The following CNTN3 variants were observed in gnomAD, a reference collection of about 807,000 sequenced individuals.
CNTN3 encodes the protein contactin 3.
A neutral mutation model predicts 119.1 loss-of-function variants in CNTN3; 60 were observed. That is an observed-to-expected ratio of 0.50 (90% CI 0.41 to 0.62). CNTN3 has a LOEUF of 0.62. Ranked by LOEUF, CNTN3 falls within the 20% of genes least tolerant of loss-of-function variation. CNTN3 has a pLI of 0.00. For missense variants in CNTN3, 1,101 were observed against 1,242.4 expected, an observed-to-expected ratio of 0.89 and a Z score of 1.71; for synonymous variants, 450 against 438.7, an observed-to-expected ratio of 1.03 and a Z score of -0.32.
chr3:74,510,311 G>T (rs1703344074), intron 2 of CNTN3, among the ~76,000 whole-genome samples: 2 of 152,008 alleles, frequency 1.3e-5, no homozygotes, highest in African/African-American at 2.4e-5. Context: ...ATGTGTCTAT[G>T]ACTCTCATGA....
At chr3:74,438,960 AAC>A (rs1251223750) in intron 4 of CNTN3, among the ~76,000 whole-genome samples, 3 of 152,212 alleles carry the variant, frequency 2.0e-5, no homozygotes, top group African/African-American at 7.2e-5. Flanking sequence ...TTCATTTGTT[AAC>A]ACTTCACCCT....
chr3:74,387,928 T>C (rs1704794631), intron 5 of CNTN3, among the ~76,000 whole-genome samples: 1 of 152,226 alleles, frequency 6.6e-6, no homozygotes, highest in Admixed American at 6.5e-5. Flanking sequence ...ACATTCTAAC[T>C]CATCTATAAA....
intron 8 of CNTN3, among the ~76,000 whole-genome samples, chr3:74,366,889 G>C (rs1270924076): frequency 2.8e-5 from 4 of 142,390 alleles, no homozygotes; most frequent in African/African-American, 1.0e-4. Context: ...TTTCAGGAAT[G>C]ATCAGCCTGA....
At chr3:74,390,369 CT>C (rs34399433) in intron 5 of CNTN3, among the ~76,000 whole-genome samples, 6,070 of 123,212 alleles carry the variant, frequency 0.049, 197 homozygotes, top group South Asian at 0.17. Context: ...TGAGAGTATG[CT>C]TTTTTTTTTT....
chr3:74,483,712 G>C (rs1033463359), intron 4 of CNTN3, among the ~76,000 whole-genome samples: 1 of 152,108 alleles, frequency 6.6e-6, no homozygotes, highest in African/African-American at 2.4e-5. Context: ...ACCTCATGAT[G>C]CTTTATGTTC....
At chr3:74,534,026 G>A (rs1178016220) in intron 1 of CNTN3, among the ~76,000 whole-genome samples, 1 of 152,048 alleles carries the variant, frequency 6.6e-6, no homozygotes, top group African/African-American at 2.4e-5. Context: ...CTTCAGAGCA[G>A]CTTAGCATCA....
At chr3:74,605,237 ATAAT>A (rs1210457280) in intron 1 of CNTN3, among the ~76,000 whole-genome samples, 13 of 151,842 alleles carry the variant, frequency 8.6e-5, no homozygotes. Flanking sequence ...CATGGTGACT[ATAAT>A]TAATAATGCA....
At chr3:74,363,225 C>G (rs1185349086) in intron 10 of CNTN3, among the ~76,000 whole-genome samples, 1 of 152,160 alleles carries the variant, frequency 6.6e-6, no homozygotes, top group Non-Finnish European at 1.5e-5. Flanking sequence ...GATCATCCCT[C>G]CAGGCATCAT....
At chr3:74,420,502 C>T (rs1701599824) in intron 5 of CNTN3, among the ~76,000 whole-genome samples, 1 of 152,152 alleles carries the variant, frequency 6.6e-6, no homozygotes, top group South Asian at 2.1e-4. Flanking sequence ...GATTTTAACA[C>T]AATTTTACTA....
At chr3:74,389,777 C>G (rs1024950651) in intron 5 of CNTN3, among the ~76,000 whole-genome samples, 3 of 152,162 alleles carry the variant, frequency 2.0e-5, no homozygotes, top group Non-Finnish European at 4.4e-5. Flanking sequence ...TCTGCACAAA[C>G]TAACTCAGAC....
At position 74,543,866 on chromosome 3, in the gene CNTN3, AT is replaced by A. The variant is rs1425465520; in HGVS notation, c.-80-22675del. Among the ~76,000 whole-genome samples, 6 of 152,326 alleles carry A rather than the reference AT, an allele frequency of 3.9e-5. No homozygotes were observed. In the East Asian group the frequency reaches 7.7e-4, roughly 20 times the overall value. ...AAAAAAGAAACTGGGGAGGGCAGTG[AT>A]TTTGTGACCACCTAATCAAGTCTTC... On this transcript the variant is annotated intron_variant, in intron 1 of 22. Coordinates refer to ENST00000263665, the MANE Select transcript of CNTN3 (RefSeq NM_020872.3).
rs202118462 is a variant in CNTN3 at position 74,297,961 on chromosome 3, T to C, written c.2397A>G (p.Glu799=). ...FSPVTTVFSA[E]EEPTVAPSQV... ...ATACAGTCATGTTTTCCATACCTTC[T>C]TCTGCAGAGAACACTGTTGTCACTG... Residue 799 remains glutamate (E), a synonymous_variant, in exon 18 of 23, where the codon GAA becomes GAG. Transcript: ENST00000263665. 1 of 1,610,894 alleles carries C rather than the reference T, an allele frequency of 6.2e-7. No individual in the cohort carries two copies. Among genetic ancestry groups the C allele is most frequent in the Admixed American group, 1.7e-5 (1 of 59,972 alleles).
chr3:74,336,245 G>A (rs979065879), intron 12 of CNTN3, among the ~76,000 whole-genome samples: 2 of 151,744 alleles, frequency 1.3e-5, no homozygotes, highest in Non-Finnish European at 2.9e-5. Context: ...TGACATAATA[G>A]AATTTTATTT....
intron 5 of CNTN3, among the ~76,000 whole-genome samples, chr3:74,404,460 C>G (rs1338774200): frequency 6.6e-6 from 1 of 152,070 alleles, no homozygotes; most frequent in African/African-American, 2.4e-5. Context: ...CTATGCTTAT[C>G]TCTCTTTGAC....
At position 74,499,746 on chromosome 3, in the gene CNTN3, G is replaced by T. The variant is rs2107078576; in HGVS notation, c.95C>A (p.Pro32His). Residue 32 changes from proline (P) to histidine (H), a missense_variant, in exon 3 of 23, where the codon CCC becomes CAC. Physicochemically the swap from Pro to His is moderately conservative, Grantham distance 77. Transcript: ENST00000263665. Reference protein sequence around the residue: ...LLQGPVFIKEPSNSIFPVGSE... With the variant: ...LLQGPVFIKEHSNSIFPVGSE... Reference sequence around the variant, plus strand: ...ACCAACAGGGAAAATGCTGTTGCTGGGTTCTTTGATAAATACAGGGCCTTG... The same window carrying T: ...ACCAACAGGGAAAATGCTGTTGCTGTGTTCTTTGATAAATACAGGGCCTTG... 6.2e-7 allele frequency: 1 copy of T among 1,611,066 alleles called. No homozygotes were observed. Among genetic ancestry groups the T allele is most frequent in the Non-Finnish European group, 8.5e-7 (1 of 1,178,262 alleles).
chr3:74,364,317 C>A (rs1381154886), intron 10 of CNTN3, 150 bp downstream of exon 10: 1 of 694,456 alleles, frequency 1.4e-6, no homozygotes, highest in African/African-American at 1.8e-5. Flanking sequence ...AAAAGGTATG[C>A]CTTGATTAGA....
intron 5 of CNTN3, among the ~76,000 whole-genome samples, chr3:74,398,332 A>G (rs1359580805): frequency 2.6e-5 from 4 of 152,232 alleles, no homozygotes; most frequent in African/African-American, 4.8e-5. Flanking sequence ...GTCAGCAGCC[A>G]TTAACACTGA....
chr3:74,391,723 T>C (rs1704911144), intron 5 of CNTN3, among the ~76,000 whole-genome samples: 1 of 151,992 alleles, frequency 6.6e-6, no homozygotes, highest in Non-Finnish European at 1.5e-5. Context: ...TGTGCCACCA[T>C]CTTGGCTCAC....
At chr3:74,431,878 T>C (rs1455233436) in intron 4 of CNTN3, among the ~76,000 whole-genome samples, 1 of 152,128 alleles carries the variant, frequency 6.6e-6, no homozygotes, top group Non-Finnish European at 1.5e-5. Flanking sequence ...GCGAATGAAA[T>C]CATTGTCATT....
Sources: gnomAD v4.1 joint callset for allele counts (sites outside exome capture counted in the v4.1 genomes callset) on GRCh38, gnomAD v4.1.1 for gene constraint, MANE v1.5 for transcripts, NCBI Gene and HGNC (gene_info 2026-07-23, HGNC 2026-07-21) for gene names.